Variants in BBOX1 observed in about 807,000 individuals in gnomAD.
The protein encoded by BBOX1 is gamma-butyrobetaine hydroxylase 1, also known as gamma-butyrobetaine dioxygenase.
Under a neutral mutation model 41.6 loss-of-function variants are expected in BBOX1, and 35 were observed. The ratio of observed to expected loss-of-function variants is 0.84; its 90% confidence interval spans 0.64 to 1.11. The LOEUF is 1.11. BBOX1 is among the 50% of genes most tolerant of loss of function. The pLI, the probability that BBOX1 is intolerant of heterozygous loss-of-function variation, is 0.00. For missense variants in BBOX1, 458 were observed against 460.6 expected (o/e 0.99, Z 0.05); for synonymous variants, 163 against 154.7 (o/e 1.05, Z -0.40).
chr11:27,099,093 C>G lies in BBOX1; in HGVS notation c.533+5727C>G, dbSNP rs185085233. Among the ~76,000 whole-genome samples, 10 of 151,956 alleles carry G rather than the reference C, an allele frequency of 6.6e-5. No individual in the cohort carries two copies. The East Asian group carries it at 1.8e-3, about 27-fold the overall frequency. On this transcript the variant is annotated intron_variant, in intron 5 of 8. Transcript: ENST00000263182. ...CCATCTGAACAAGACAACAAAAGCT[C>G]TTTGACAACATTGTCAAAATTTATC... is the stretch of plus-strand genomic sequence containing the variant.
At chr11:27,072,161 T>C (rs1300432270) in intron 4 of BBOX1, among the ~76,000 whole-genome samples, 1 of 152,168 alleles carries the variant, frequency 6.6e-6, no homozygotes, top group Non-Finnish European at 1.5e-5. Flanking sequence ...TGATTGTATA[T>C]TTAGAAAACC....
At chr11:27,057,064 T>TAGAAAAA (rs1857005498) in intron 3 of BBOX1, 137 bp from the exon 4 acceptor site, 1 of 140,696 alleles carries the variant, frequency 7.1e-6, no homozygotes, top group Non-Finnish European at 1.2e-5. Context: ...GACTCCGACT[T>TAGAAAAA]AAAAAAAAAA....
intron 5 of BBOX1, among the ~76,000 whole-genome samples, chr11:27,102,628 A>G (rs1590213701): frequency 1.3e-5 from 2 of 152,048 alleles, no homozygotes; most frequent in Admixed American, 6.5e-5. Context: ...TTCCTCCCCT[A>G]CAATTTAACT....
chr11:27,120,432 C>A (rs568541650), intron 7 of BBOX1, among the ~76,000 whole-genome samples: 3 of 152,042 alleles, frequency 2.0e-5, no homozygotes, highest in Non-Finnish European at 4.4e-5. Context: ...TTCTGATTGT[C>A]CATGCCTGGA....
At chr11:27,060,141 G>A (rs757172403) in intron 4 of BBOX1, among the ~76,000 whole-genome samples, 7 of 152,120 alleles carry the variant, frequency 4.6e-5, no homozygotes, top group African/African-American at 7.2e-5. Context: ...GTGGGGCCTC[G>A]TGGGAGGTGA....
chr11:27,127,209 G>A, intron 8 of BBOX1, 84 bp from the exon 9 acceptor site: 1 of 1,379,976 alleles, frequency 7.2e-7, no homozygotes. Flanking sequence ...CCAAGCAGCA[G>A]CTGTGTTTTG....
At chr11:27,093,958 G>A (rs578179504) in intron 5 of BBOX1, among the ~76,000 whole-genome samples, 1 of 152,070 alleles carries the variant, frequency 6.6e-6, no homozygotes, top group South Asian at 2.1e-4. Flanking sequence ...TGAGATGAAA[G>A]ACTGTGTTTC....
intron 4 of BBOX1, among the ~76,000 whole-genome samples, chr11:27,083,510 C>G (rs1857927733): frequency 6.6e-6 from 1 of 152,074 alleles, no homozygotes; most frequent in South Asian, 2.1e-4. Context: ...CTACCTAACA[C>G]TCTTCCCCCT....
At chr11:27,101,767 AC>A (rs1213332362) in intron 5 of BBOX1, among the ~76,000 whole-genome samples, 22 of 152,280 alleles carry the variant, frequency 1.4e-4, no homozygotes. Flanking sequence ...TTTACAGTGT[AC>A]AACATGACAT....
intron 4 of BBOX1, among the ~76,000 whole-genome samples, chr11:27,069,007 T>A (rs957265923): frequency 4.6e-5 from 7 of 152,178 alleles, no homozygotes; most frequent in Non-Finnish European, 8.8e-5. Flanking sequence ...GTTCAGATGA[T>A]GCATTCAGAT....
At chr11:27,095,555 C>T (rs2134048838) in intron 5 of BBOX1, among the ~76,000 whole-genome samples, 1 of 152,082 alleles carries the variant, frequency 6.6e-6, no homozygotes, top group East Asian at 1.9e-4. Flanking sequence ...ACCTACCCAT[C>T]TCACCTTCCT....
intron 4 of BBOX1, among the ~76,000 whole-genome samples, chr11:27,088,752 G>A (rs1243274998): frequency 6.6e-6 from 1 of 151,904 alleles, no homozygotes; most frequent in East Asian, 1.9e-4. Flanking sequence ...TCAGTCACTT[G>A]GATTTGACTA....
chr11:27,122,636 T>G (rs1038533359), intron 7 of BBOX1, among the ~76,000 whole-genome samples: 2 of 152,150 alleles, frequency 1.3e-5, no homozygotes, highest in African/African-American at 4.8e-5. Context: ...TCATAAATTA[T>G]GACATGGTAG....
At chr11:27,101,854 C>G (rs1858673062) in intron 5 of BBOX1, among the ~76,000 whole-genome samples, 1 of 152,068 alleles carries the variant, frequency 6.6e-6, no homozygotes, top group African/African-American at 2.4e-5. Flanking sequence ...GGCAAAAAGA[C>G]CTGACATCTA....
intron 2 of BBOX1, among the ~76,000 whole-genome samples, chr11:27,054,210 T>TGC (rs985679691): frequency 6.9e-6 from 1 of 144,356 alleles, no homozygotes; most frequent in Non-Finnish European, 1.5e-5. Flanking sequence ...TGTGTCTGTG[T>TGC]GTGTGTGTGT....
Position 27,064,644 on chromosome 11 carries a change from G to A in BBOX1, c.334+7329G>A, listed in dbSNP as rs562207151. ...AAAAAAGGAGTTTAATAGACATGAG[G>A]CCAGCCATGCCATGGGGGAGATGGA... On this transcript the variant is annotated intron_variant, in intron 4 of 8. Transcript: ENST00000263182. Among the ~76,000 whole-genome samples the A allele has an allele frequency of 7.0e-4, 107 of 152,238 alleles. 2 individuals carry two copies. In the South Asian group the frequency reaches 0.02, roughly 29 times the overall value.
rs560108410 is a variant in BBOX1 at position 27,118,857 on chromosome 11, A to G, written c.640-792A>G. Among the ~76,000 whole-genome samples, 3 of 152,026 alleles carry G rather than the reference A, an allele frequency of 2.0e-5. No homozygotes were observed. In the South Asian group the frequency reaches 6.2e-4, roughly 32 times the overall value. On this transcript the variant is annotated intron_variant, in intron 6 of 8. Coordinates refer to ENST00000263182, the MANE Select transcript of BBOX1 (RefSeq NM_003986.3). ...TGATGGCAAAATCTAAAAGGATTTA[A>G]AGAACACTGTGATCCTCCAAAAACA...
chr11:27,120,823 A>G (rs892143807), intron 7 of BBOX1, among the ~76,000 whole-genome samples: 5 of 152,168 alleles, frequency 3.3e-5, no homozygotes, highest in African/African-American at 1.2e-4. Context: ...TTAAATCCCC[A>G]GTACATTCAT....
At chr11:27,052,310 G>T (rs1315997841) in intron 2 of BBOX1, among the ~76,000 whole-genome samples, 1 of 151,924 alleles carries the variant, frequency 6.6e-6, no homozygotes, top group Non-Finnish European at 1.5e-5. Context: ...ATTTCTTTTA[G>T]ACTACATTTT....
Sources: gnomAD v4.1 joint callset for allele counts (sites outside exome capture counted in the v4.1 genomes callset) on GRCh38, gnomAD v4.1.1 for gene constraint, MANE v1.5 for transcripts, NCBI Gene and HGNC (gene_info 2026-07-23, HGNC 2026-07-21) for gene names.